TEX2: variants seen among roughly 807,000 people sequenced by gnomAD.
TEX2 encodes testis-expressed protein 2.
Under a neutral mutation model 106.9 loss-of-function variants are expected in TEX2, and 53 were observed. The ratio of observed to expected loss-of-function variants is 0.50; its 90% confidence interval spans 0.40 to 0.62. The LOEUF (loss-of-function observed/expected upper bound fraction) is 0.62. Ranked by LOEUF, TEX2 falls within the 20% of genes least tolerant of loss-of-function variation. The pLI, the probability that TEX2 is intolerant of heterozygous loss-of-function variation, is 0.00. For missense variants in TEX2, 1,207 were observed against 1,379.0 expected (o/e 0.88, Z 1.98); for synonymous variants, 523 against 534.8 (o/e 0.98, Z 0.30).
intron 8 of TEX2, among the ~76,000 whole-genome samples, chr17:64,160,555 T>C (rs536468903): frequency 1.3e-5 from 2 of 152,244 alleles, no homozygotes; most frequent in African/African-American, 2.4e-5. Context: ...GGGTAATCAA[T>C]TCCATGTGTA....
At position 64,154,357 on chromosome 17, in the gene TEX2, A is replaced by G. The variant is rs2030508996; in HGVS notation, c.2930+485T>C. 2.0e-5 allele frequency among the ~76,000 whole-genome samples: 3 copies of G among 152,260 alleles called. No individual in the cohort carries two copies. In the South Asian group the frequency reaches 6.2e-4, roughly 31 times the overall value. Reference sequence around the variant, plus strand: ...TTTCACAGCCCAAGTTAACAGGGAAAGAGTAACCCCCTCCAAATGAAGTTC... The same window carrying G: ...TTTCACAGCCCAAGTTAACAGGGAAGGAGTAACCCCCTCCAAATGAAGTTC... On this transcript the variant is annotated intron_variant, in intron 9 of 11. Coordinates refer to ENST00000584379, the MANE Select transcript of TEX2 (RefSeq NM_001288732.2).
chr17:64,218,761 G>T (rs1466557541), intron 1 of TEX2, among the ~76,000 whole-genome samples: 2 of 152,030 alleles, frequency 1.3e-5, no homozygotes, highest in African/African-American at 2.4e-5. Flanking sequence ...AACATCCAGG[G>T]CTGGCCAGCG....
chr17:64,239,875 C>CAAAAAA (rs61705973), intron 1 of TEX2, among the ~76,000 whole-genome samples: 3 of 29,648 alleles, frequency 1.0e-4, no homozygotes, highest in Non-Finnish European at 1.7e-4. Context: ...GACTCTGTCT[C>CAAAAAA]AAAAAAAAAA....
chr17:64,212,685 G>A lies in TEX2; in HGVS notation c.1533C>T (p.Cys511=), dbSNP rs782223347. 1.5e-5 allele frequency: 25 copies of A among 1,613,998 alleles called. No individual in the cohort carries two copies. Among genetic ancestry groups the A allele is most frequent in the Middle Eastern group, 1.6e-4 (1 of 6,084 alleles). The change falls in exon 2 of 12, where the codon TGC becomes TGT. Residue 511 remains cysteine (C), a synonymous_variant. Coordinates refer to ENST00000584379, the MANE Select transcript of TEX2 (RefSeq NM_001288732.2). ...GIGLGFMTAV[C]VIWFFTPPSA... ...TTGGTGGTGTAAAAAACCAAATCAC[G>A]CAAACTGCAGTCATGAATCCAAGGC... is the stretch of plus-strand genomic sequence containing the variant.
chr17:64,148,061 G>A lies in TEX2; in HGVS notation c.*908C>T, dbSNP rs2030141525. ...GAGCAGTTCTCCGTTTTGGCCTTCA[G>A]GAAGGGAAATCTGCCCATGGAACTC... On this transcript the variant is annotated 3_prime_UTR_variant, in exon 12 of 12. Transcript: ENST00000584379. 6.6e-6 allele frequency: 1 copy of A among 152,372 alleles called. No homozygotes were observed. Among genetic ancestry groups the A allele is most frequent in the Non-Finnish European group, 1.5e-5 (1 of 68,030 alleles). The allele number at this position is 152,372 out of a possible 1,614,324, so 9.4% of individuals were successfully genotyped here.
At chr17:64,218,425 TTTTTTTTTTTA>T (rs1401988260) in intron 1 of TEX2, among the ~76,000 whole-genome samples, 17 of 54,896 alleles carry the variant, frequency 3.1e-4, no homozygotes, top group Non-Finnish European at 6.8e-4. Context: ...TTTTTTTTTT[TTTTTTTTTTTA>T]AAGACAGAGT....
chr17:64,204,057 C>T (rs1472397152), intron 2 of TEX2, among the ~76,000 whole-genome samples: 3 of 152,206 alleles, frequency 2.0e-5, no homozygotes, highest in African/African-American at 7.2e-5. Context: ...GTCTGAGTTA[C>T]ATTAATACAT....
At chr17:64,209,570 T>C (rs1555631214) in intron 2 of TEX2, among the ~76,000 whole-genome samples, 1 of 152,234 alleles carries the variant, frequency 6.6e-6, no homozygotes, top group Non-Finnish European at 1.5e-5. Flanking sequence ...TGTCAGTCTA[T>C]GAGAGCATTA....
rs976573440 is a variant in TEX2, at chr17:64,187,121, G to A, written c.2424+1047C>T. Among the ~76,000 whole-genome samples the A allele has an allele frequency of 2.8e-4, 42 of 152,304 alleles. 1 individual carries two copies. Among genetic ancestry groups the A allele is most frequent in the African/African-American group, 1.0e-3 (42 of 41,552 alleles). On this transcript the variant is annotated intron_variant, in intron 5 of 11. Coordinates refer to ENST00000584379, the MANE Select transcript of TEX2 (RefSeq NM_001288732.2). ...GTCTAGTTTGCAGGACTGTTCAAGA[G>A]AGCAGAGTAATTCTATTAAAGTGCC...
intron 1 of TEX2, among the ~76,000 whole-genome samples, chr17:64,253,927 G>C (rs965828633): frequency 6.6e-6 from 1 of 152,124 alleles, no homozygotes; most frequent in African/African-American, 2.4e-5. Context: ...ATGCTCTGGG[G>C]ATAGAGAGGT....
chr17:64,242,731 T>C (rs182313642), intron 1 of TEX2, among the ~76,000 whole-genome samples: 170 of 152,292 alleles, frequency 1.1e-3, no homozygotes, highest in Non-Finnish European at 1.1e-3. Flanking sequence ...GTTAAAAACA[T>C]GTATTCTCAA....
Position 64,194,916 on chromosome 17 carries a change from G to A in TEX2, c.1824C>T (p.Ile608=), listed in dbSNP as rs780533739. 4.3e-6 allele frequency: 7 copies of A among 1,614,158 alleles called. No homozygotes were observed. In the South Asian group the frequency reaches 7.7e-5, roughly 18 times the overall value. Reference sequence around the variant, plus strand: ...TCACCTTGCTGTCTGAGAGGTCATAGATTTTCTGGCTGATGTAGGTGACCT... The same window carrying A: ...TCACCTTGCTGTCTGAGAGGTCATAAATTTTCTGGCTGATGTAGGTGACCT... ...KPEVTYISQK[I]YDLSDSKIYL... Residue 608 remains isoleucine, a synonymous_variant, in exon 3 of 12, where the codon ATC becomes ATT. Transcript: ENST00000584379.
chr17:64,228,929 T>TACACAC (rs57741930), intron 1 of TEX2, among the ~76,000 whole-genome samples: 317 of 146,746 alleles, frequency 2.2e-3, no homozygotes, highest in African/African-American at 2.9e-3. Flanking sequence ...GACTGACAGG[T>TACACAC]ACACACACAC....
rs115808177 is a variant in TEX2, at chr17:64,161,395, C to T, written c.2672-462G>A. ...GTTCTTTAAAGACACATATGAGAAC[C>T]GCTGTCTTTCTTAAAATTCTCCAGT... On this transcript the variant is annotated intron_variant, in intron 7 of 11. Transcript: ENST00000584379. Among the ~76,000 whole-genome samples, 348 of 152,302 alleles carry T rather than the reference C, an allele frequency of 2.3e-3. 1 individual carries two copies. The highest frequency in any genetic ancestry group is 8.2e-3 in the African/African-American group (341 of 41,566).
intron 1 of TEX2, among the ~76,000 whole-genome samples, chr17:64,256,619 A>G (rs1297390124): frequency 6.6e-6 from 1 of 152,034 alleles, no homozygotes; most frequent in Non-Finnish European, 1.5e-5. Context: ...TTTTACACAT[A>G]TTACAATCCA....
intron 7 of TEX2, among the ~76,000 whole-genome samples, chr17:64,167,827 A>T (rs543355261): frequency 6.6e-6 from 1 of 152,206 alleles, no homozygotes; most frequent in South Asian, 2.1e-4. Flanking sequence ...CTCAAAAAAA[A>T]AAGAATCCCT....
chr17:64,169,823 C>G (rs568035921), intron 7 of TEX2, among the ~76,000 whole-genome samples: 15 of 152,270 alleles, frequency 9.9e-5, no homozygotes, highest in Non-Finnish European at 1.8e-4. Flanking sequence ...TCTTGAAAAG[C>G]TATAATTAGT....
At chr17:64,154,621 G>C (rs2030524137) in intron 9 of TEX2, among the ~76,000 whole-genome samples, 1 of 152,178 alleles carries the variant, frequency 6.6e-6, no homozygotes, top group Admixed American at 6.5e-5. Context: ...TAATCAAACA[G>C]CAGCAGAAAG....
chr17:64,200,593 T>C (rs1011006377), intron 2 of TEX2, among the ~76,000 whole-genome samples: 3 of 152,218 alleles, frequency 2.0e-5, no homozygotes, highest in Non-Finnish European at 2.9e-5. Flanking sequence ...GGTCATCCTC[T>C]ACCACTTGCC....
Sources: gnomAD v4.1 joint callset for allele counts (sites outside exome capture counted in the v4.1 genomes callset) on GRCh38, gnomAD v4.1.1 for gene constraint, MANE v1.5 for transcripts, NCBI Gene and HGNC (gene_info 2026-07-23, HGNC 2026-07-21) for gene names.